CDC42SE1: variants seen among roughly 807,000 people sequenced by gnomAD.
The protein encoded by CDC42SE1 is CDC42 small effector 1, also known as CDC42 small effector protein 1.
CDC42SE1 carries 10 observed loss-of-function variants against 10.9 expected under a neutral mutation model. That is an observed-to-expected ratio of 0.92 (90% CI 0.57 to 1.56). CDC42SE1 has a LOEUF of 1.56. CDC42SE1 is among the 40% of genes most tolerant of loss of function. The probability of loss-of-function intolerance (pLI) is 0.00; values close to 1 mark genes in which losing one functional copy is unlikely to be tolerated. For synonymous variants in CDC42SE1, 24 were observed against 32.0 expected (o/e 0.75, Z 0.85); for missense variants, 81 against 100.8 (o/e 0.80, Z 0.84).
chr1:151,059,426 C>T (rs1249777113), intron 1 of CDC42SE1, 53 bp downstream of exon 1: 1 of 152,746 alleles, frequency 6.5e-6, no homozygotes, highest in African/African-American at 2.4e-5. Flanking sequence ...TGTGTCTCCG[C>T]CTGGCCCGGC....
chr1:151,053,852 TAG>T (rs1187122951), intron 4 of CDC42SE1, among the ~76,000 whole-genome samples: 1 of 151,644 alleles, frequency 6.6e-6, no homozygotes, highest in Non-Finnish European at 1.5e-5. Flanking sequence ...TATTTTGAGA[TAG>T]AGTCTTGCTC....
At position 151,055,727 on chromosome 1, in the gene CDC42SE1, T is replaced by A; in HGVS notation, c.4A>T (p.Ser2Cys). 1 of 1,612,996 alleles carries A rather than the reference T, an allele frequency of 6.2e-7. No individual in the cohort carries two copies. Among genetic ancestry groups the A allele is most frequent in the East Asian group, 2.2e-5 (1 of 44,860 alleles). M[S>C]EFWHKLGCCV... ...CAGCCCAGTTTGTGCCAAAATTCAC[T>A]CATGTTCCCTGATGGTTCCAGCTTC... Residue 2 changes from serine (S) to cysteine (C), a missense_variant, in exon 2 of 5, where the codon AGT becomes TGT. Ser to Cys is a moderately radical substitution (Grantham distance 112). Transcript: ENST00000357235.
At position 151,057,497 on chromosome 1, in the gene CDC42SE1, G is replaced by C. The variant is rs1676302615; in HGVS notation, c.-263-1504C>G. 6.6e-6 allele frequency among the ~76,000 whole-genome samples: 1 copy of C among 152,088 alleles called. No homozygotes were observed. The highest frequency in any genetic ancestry group is 2.4e-5 in the African/African-American group (1 of 41,408). ...CACTGCACTCCAGCCTGGGCAACAA[G>C]AGCGAAACTCCGCCTCAAAAAAAAC... is the stretch of plus-strand genomic sequence containing the variant. On this transcript the variant is annotated intron_variant, in intron 1 of 4. Transcript: ENST00000357235. This position sits in a 1 kb window ranked among gnomAD's most constrained non-coding sequence, Gnocchi z 4.0.
Position 151,054,252 on chromosome 1 carries a change from A to C in CDC42SE1, c.235T>G (p.Leu79Val). 6.2e-7 allele frequency: 1 copy of C among 1,610,812 alleles called. No individual in the cohort carries two copies. Among genetic ancestry groups the C allele is most frequent in the Non-Finnish European group, 8.5e-7 (1 of 1,177,144 alleles). Reference protein sequence around the residue: ...RDRPWSNSRGL With the variant: ...RDRPWSNSRGV The stretch of plus-strand genomic sequence containing the variant: ...TCACCATTCCATTATTGGAGCTATA[A>C]GCCCCTAGAATTGCTCCATGGCCTA... The change falls in exon 4 of 5, where the codon TTA (leucine) becomes GTA (valine). Residue 79 changes from leucine (L) to valine (V), a missense_variant. Physicochemically the swap from Leu to Val is conservative, Grantham distance 32 (BLOSUM62 1). Coordinates refer to ENST00000357235, the MANE Select transcript of CDC42SE1 (RefSeq NM_020239.4).
At position 151,057,064 on chromosome 1, in the gene CDC42SE1, G is replaced by A. The variant is rs1676292615; in HGVS notation, c.-263-1071C>T. On this transcript the variant is annotated intron_variant, in intron 1 of 4. Transcript: ENST00000357235. This position sits in a 1 kb window ranked among gnomAD's most constrained non-coding sequence, Gnocchi z 4.0. ...TGCCAGCCAGGGTAGGACACATCTG[G>A]GTTTCTTCTTAGACTCACTTGCATT... 6.6e-6 allele frequency among the ~76,000 whole-genome samples: 1 copy of A among 152,120 alleles called. No individual in the cohort carries two copies. The highest frequency in any genetic ancestry group is 2.4e-5 in the African/African-American group (1 of 41,416).
chr1:151,056,052 T>C, intron 1 of CDC42SE1, 59 bp from the exon 2 acceptor site: 1 of 393,466 alleles, frequency 2.5e-6, no homozygotes. Context: ...CCCCCAATCC[T>C]TGAGAAACCT....
Position 151,051,987 on chromosome 1 carries a change from T to C in CDC42SE1, c.*1357A>G, listed in dbSNP as rs905990153. 9.8e-5 allele frequency: 15 copies of C among 152,490 alleles called. No homozygotes were observed. The highest frequency in any genetic ancestry group is 1.0e-4 in the Non-Finnish European group (7 of 68,024). 9.4% of individuals were successfully genotyped at this position (152,490 alleles called of 1,614,324 possible). A position where few individuals can be genotyped will look rare whatever the true frequency, so the allele number is the denominator to read the frequency against. On this transcript the variant is annotated 3_prime_UTR_variant, in exon 5 of 5. Coordinates refer to ENST00000357235, the MANE Select transcript of CDC42SE1 (RefSeq NM_020239.4). ...TGAATAAAGAATTGTTTGGAGATTA[T>C]GTGCAGCCCTACTGAGCCTCATTTA...
chr1:151,053,761 C>A (rs187428477), intron 4 of CDC42SE1, among the ~76,000 whole-genome samples: 2 of 152,062 alleles, frequency 1.3e-5, no homozygotes, highest in African/African-American at 2.4e-5. Flanking sequence ...GGATTATAGG[C>A]GTTAGCCACC....
At chr1:151,054,904 G>A (rs11583345) in intron 3 of CDC42SE1, 112 bp downstream of exon 3, 34 of 789,126 alleles carry the variant, frequency 4.3e-5, no homozygotes, top group Non-Finnish European at 5.7e-5. Flanking sequence ...TAGAATCCCA[G>A]GTTTTTACTT....
chr1:151,054,350 CG>C, intron 3 of CDC42SE1, 29 bp from the exon 4 acceptor site: 1 of 1,545,562 alleles, frequency 6.5e-7, no homozygotes, highest in Non-Finnish European at 8.9e-7. Flanking sequence ...GAGACACCTT[CG>C]TAAGTCTTCA....
At chr1:151,053,916 G>A (rs587611766) in intron 4 of CDC42SE1, among the ~76,000 whole-genome samples, 17 of 152,124 alleles carry the variant, frequency 1.1e-4, no homozygotes, top group African/African-American at 3.6e-4. Context: ...TGTAACCTCC[G>A]CCTCCCAGGT....
At position 151,057,475 on chromosome 1, in the gene CDC42SE1, T is replaced by C. The variant is rs1676300151; in HGVS notation, c.-263-1482A>G. Among the ~76,000 whole-genome samples the C allele has an allele frequency of 6.6e-6, 1 of 152,052 alleles. No homozygotes were observed. The highest frequency in any genetic ancestry group is 6.6e-5 in the Admixed American group (1 of 15,266). On this transcript the variant is annotated intron_variant, in intron 1 of 4. Coordinates refer to ENST00000357235, the MANE Select transcript of CDC42SE1 (RefSeq NM_020239.4). The surrounding 1 kb of genome is among the most constrained non-coding windows in gnomAD (Gnocchi z 4.0). ...GATTGCAGTGAGCCGAGATCGCCAC[T>C]GCACTCCAGCCTGGGCAACAAGAGC...
chr1:151,055,414 C>T, intron 2 of CDC42SE1: 2 of 598,400 alleles, frequency 3.3e-6, no homozygotes, highest in Non-Finnish European at 5.9e-6. Context: ...ATGGGGAAAA[C>T]TGACAGGTAT....
Position 151,055,657 on chromosome 1 carries a change from T to A in CDC42SE1, c.54+20A>T. 1 of 1,604,848 alleles carries A rather than the reference T, an allele frequency of 6.2e-7. No homozygotes were observed. The highest frequency in any genetic ancestry group is 8.5e-7 in the Non-Finnish European group (1 of 1,172,428). On this transcript the variant is annotated intron_variant, in intron 2 of 4. Coordinates refer to ENST00000357235, the MANE Select transcript of CDC42SE1 (RefSeq NM_020239.4). ...TAACTGACTGCTCTTTGGGTTAGGA[T>A]GGGGGGTGGGGAGACTCACCGGCTG...
rs1676267957 is a variant in CDC42SE1 at position 151,055,811 on chromosome 1, C to T, written c.-81G>A. Reference sequence around the variant, plus strand: ...CCTGGTGTTTGGACAACCCACTCCTCACTCTCCCCAGATACACCACCACCC... The same window carrying T: ...CCTGGTGTTTGGACAACCCACTCCTTACTCTCCCCAGATACACCACCACCC... On this transcript the variant is annotated 5_prime_UTR_variant, in exon 2 of 5. Coordinates refer to ENST00000357235, the MANE Select transcript of CDC42SE1 (RefSeq NM_020239.4). The T allele has an allele frequency of 2.6e-6, 3 of 1,171,536 alleles. No homozygotes were observed. The highest frequency in any genetic ancestry group is 3.8e-6 in the Non-Finnish European group (3 of 793,726). The allele number at this position is 1,171,536 out of a possible 1,614,324, so 72.6% of individuals were successfully genotyped here.
chr1:151,054,194 G>C (rs1366089893), intron 4 of CDC42SE1, 37 bp downstream of exon 4: 2 of 1,292,536 alleles, frequency 1.5e-6, no homozygotes, highest in Non-Finnish European at 2.3e-6. Context: ...GCTGTTATGG[G>C]GGCTGAGGTG....
intron 3 of CDC42SE1, 77 bp downstream of exon 3, chr1:151,054,939 C>A: frequency 9.4e-7 from 1 of 1,061,732 alleles, no homozygotes; most frequent in Non-Finnish European, 1.5e-6. Flanking sequence ...TTCATATGTC[C>A]CTAGCTTGAA....
intron 3 of CDC42SE1, among the ~76,000 whole-genome samples, 172 bp downstream of exon 3, chr1:151,054,844 C>G (rs1335163392): frequency 6.6e-6 from 1 of 152,130 alleles, no homozygotes; most frequent in Non-Finnish European, 1.5e-5. Context: ...AACCTAGGCC[C>G]AGACACCTAA....
At chr1:151,054,200 A>C in intron 4 of CDC42SE1, 31 bp downstream of exon 4, 1 of 1,332,656 alleles carries the variant, frequency 7.5e-7, no homozygotes, top group Non-Finnish European at 1.1e-6. Flanking sequence ...ATGGGGGCTG[A>C]GGTGTTAGAT....
Sources: gnomAD v4.1 joint callset for allele counts (sites outside exome capture counted in the v4.1 genomes callset) on GRCh38, gnomAD v4.1.1 for gene constraint, Gnocchi (gnomAD v3.1) non-coding constraint, MANE v1.5 for transcripts, NCBI Gene and HGNC (gene_info 2026-07-23, HGNC 2026-07-21) for gene names.